ZBBX: variants seen among roughly 807,000 people sequenced by gnomAD.
ZBBX encodes the protein zinc finger B-box domain containing, also known as zinc finger B-box domain-containing protein 1.
ZBBX carries 101 observed loss-of-function variants against 108.5 expected under a neutral mutation model. The ratio of observed to expected loss-of-function variants is 0.93; its 90% CI spans 0.79 to 1.10. The LOEUF is 1.10. Among genes scored for constraint, ZBBX ranks in the 50% least tolerant of loss-of-function variants. The probability of loss-of-function intolerance (pLI) is 0.00; values close to 1 mark genes in which losing one functional copy is unlikely to be tolerated. For synonymous variants in ZBBX, 356 were observed against 323.4 expected, an observed-to-expected ratio of 1.10 and a Z score of -1.08; for missense variants, 1,009 against 941.4, an observed-to-expected ratio of 1.07 and a Z score of -0.94.
intron 6 of ZBBX, among the ~76,000 whole-genome samples, chr3:167,365,038 T>G (rs1045065344): frequency 6.6e-6 from 1 of 151,868 alleles, no homozygotes; most frequent in Non-Finnish European, 1.5e-5. Flanking sequence ...CTAGATTATT[T>G]TAATAGTCTT....
At chr3:167,197,297 G>T in the ZBBX span, among the ~76,000 whole-genome samples, 1 of 150,716 alleles carries the variant, frequency 6.6e-6, no homozygotes, top group Non-Finnish European at 1.5e-5. Flanking sequence ...CCAGCACTTT[G>T]GGAGGCTGAG....
intron 11 of ZBBX, among the ~76,000 whole-genome samples, chr3:167,324,780 A>G (rs73028620): frequency 0.016 from 2,402 of 152,250 alleles, 71 homozygotes; most frequent in African/African-American, 0.055. Context: ...TCTTCAGCCT[A>G]TAGAGGAAGG....
chr3:167,368,192 G>A (rs958433984), intron 5 of ZBBX, among the ~76,000 whole-genome samples: 2 of 151,250 alleles, frequency 1.3e-5, no homozygotes, highest in Non-Finnish European at 3.0e-5. Context: ...TCAATGAGAA[G>A]CCAAAAGTTA....
Position 167,386,491 on chromosome 3 carries a change from T to C in ZBBX, c.-445-6086A>G, listed in dbSNP as rs141147251. 3.7e-3 allele frequency among the ~76,000 whole-genome samples: 559 copies of C among 152,174 alleles called. 8 individuals carry two copies. The highest frequency in any genetic ancestry group is 0.012 in the African/African-American group (519 of 41,544). On this transcript the variant is annotated intron_variant, in intron 1 of 21. Transcript: ENST00000455345. Reference sequence around the variant, plus strand: ...GAGCGTTGATCTGTAACTCTCATAATTGCAAATTAATATTCTTGCATAGGC... The same window carrying C: ...GAGCGTTGATCTGTAACTCTCATAACTGCAAATTAATATTCTTGCATAGGC...
intron 8 of ZBBX, among the ~76,000 whole-genome samples, chr3:167,358,366 G>C (rs1275338080): frequency 6.6e-6 from 1 of 151,908 alleles, no homozygotes; most frequent in Non-Finnish European, 1.5e-5. Context: ...ATTTACTAGG[G>C]GATGGGGGGA....
At chr3:167,187,357 C>T in the ZBBX span, among the ~76,000 whole-genome samples, 1 of 152,156 alleles carries the variant, frequency 6.6e-6, no homozygotes, top group African/African-American at 2.4e-5. Flanking sequence ...CTTCACCCTA[C>T]CCCAGAAAGA....
chr3:167,225,839 G>A, the ZBBX span, among the ~76,000 whole-genome samples: 1 of 151,772 alleles, frequency 6.6e-6, no homozygotes, highest in African/African-American at 2.4e-5. Flanking sequence ...ATGGAACAGT[G>A]CAGTTTTTGA....
At chr3:167,199,399 C>T in the ZBBX span, among the ~76,000 whole-genome samples, 1 of 152,136 alleles carries the variant, frequency 6.6e-6, no homozygotes, top group African/African-American at 2.4e-5. Context: ...ATCATCAAGC[C>T]ATATGGGAAT....
downstream of ZBBX, among the ~76,000 whole-genome samples, chr3:167,235,331 T>A (rs1211230817): frequency 6.6e-6 from 1 of 151,544 alleles, no homozygotes; most frequent in Admixed American, 6.6e-5. Context: ...AACAACAAAA[T>A]GTTATCCTAT....
chr3:167,237,081 G>T (rs1479539734), downstream of ZBBX, among the ~76,000 whole-genome samples: 1 of 151,554 alleles, frequency 6.6e-6, no homozygotes, highest in African/African-American at 2.4e-5. Flanking sequence ...TCTGAATCAA[G>T]ATATTATTTA....
chr3:167,362,452 C>A (rs1320806756), intron 6 of ZBBX, among the ~76,000 whole-genome samples: 1 of 152,070 alleles, frequency 6.6e-6, no homozygotes, highest in African/African-American at 2.4e-5. Flanking sequence ...CCTTCATCTG[C>A]CACACTGAGC....
chr3:167,386,804 C>T (rs368192502), intron 1 of ZBBX, among the ~76,000 whole-genome samples: 1 of 151,980 alleles, frequency 6.6e-6, no homozygotes, highest in South Asian at 2.1e-4. Context: ...GCACTGTTTG[C>T]TGTACTTCAT....
intron 20 of ZBBX, among the ~76,000 whole-genome samples, chr3:167,259,956 G>C (rs1724187791): frequency 6.6e-6 from 1 of 152,090 alleles, no homozygotes; most frequent in African/African-American, 2.4e-5. Flanking sequence ...AACAGGTTCT[G>C]TTTTGATGTG....
chr3:167,348,306 G>A (rs1220033630), intron 9 of ZBBX, among the ~76,000 whole-genome samples: 3 of 96,708 alleles, frequency 3.1e-5, no homozygotes, highest in East Asian at 3.5e-4. Flanking sequence ...AAGAAAGAGA[G>A]AAAGAAAGAG....
At chr3:167,349,707 A>C (rs1281286858) in intron 9 of ZBBX, among the ~76,000 whole-genome samples, 1 of 152,036 alleles carries the variant, frequency 6.6e-6, no homozygotes, top group Non-Finnish European at 1.5e-5. Context: ...ATTCATCTCT[A>C]TAAGGTCACA....
At chr3:167,181,952 G>C in the ZBBX span, among the ~76,000 whole-genome samples, 1 of 142,084 alleles carries the variant, frequency 7.0e-6, no homozygotes, top group Admixed American at 6.7e-5. Context: ...CAGCTGTGGT[G>C]GGGGGCAGGC....
intron 2 of ZBBX, among the ~76,000 whole-genome samples, chr3:167,376,490 T>C (rs540312044): frequency 9.2e-5 from 14 of 152,340 alleles, no homozygotes; most frequent in African/African-American, 3.1e-4. Flanking sequence ...TGTCTGATTA[T>C]TAAAATAATC....
chr3:167,365,358 A>G (rs1023812661), intron 6 of ZBBX, among the ~76,000 whole-genome samples: 6 of 151,782 alleles, frequency 4.0e-5, no homozygotes, highest in African/African-American at 1.4e-4. Context: ...CATCTTAAAT[A>G]TAATATTATA....
intron 17 of ZBBX, 102 bp from the exon 18 acceptor site, chr3:167,298,560 A>G: frequency 1.2e-6 from 1 of 849,066 alleles, no homozygotes; most frequent in African/African-American, 1.7e-5. Context: ...TACTTGGCAC[A>G]AATTCTTCCC....
Sources: allele counts gnomAD v4.1 joint callset (sites outside exome capture counted in the v4.1 genomes callset), GRCh38; gene constraint gnomAD v4.1.1; transcripts MANE v1.5; gene names NCBI Gene and HGNC (gene_info 2026-07-23, HGNC 2026-07-21).